Variants in TENM2 observed in about 807,000 individuals in gnomAD.
TENM2 encodes teneurin transmembrane protein 2, also known as teneurin-2.
TENM2 carries 52 observed loss-of-function variants against 245.2 expected under a neutral mutation model. The observed-to-expected ratio is 0.21, with a 90% CI of 0.17 to 0.27. The LOEUF (loss-of-function observed/expected upper bound fraction) is 0.27. Ranked by LOEUF, TENM2 falls within the 10% of genes least tolerant of loss-of-function variation. The pLI is 1.00. For synonymous variants in TENM2, 1,363 were observed against 1,438.9 expected, an observed-to-expected ratio of 0.95 and a Z score of 1.19; for missense variants, 3,046 against 3,666.8, an observed-to-expected ratio of 0.83 and a Z score of 4.37.
At chr5:167,405,769 A>ACACAC (rs1762599972) in intron 2 of TENM2, among the ~76,000 whole-genome samples, 6 of 145,186 alleles carry the variant, frequency 4.1e-5, no homozygotes, top group African/African-American at 1.3e-4. Flanking sequence ...CACACACACA[A>ACACAC]ACACACACAC....
intron 5 of TENM2, among the ~76,000 whole-genome samples, chr5:168,044,695 T>G: frequency 6.6e-6 from 1 of 152,070 alleles, no homozygotes; most frequent in Non-Finnish European, 1.5e-5. Context: ...ATTCTACCTG[T>G]ACAGGGAAAC....
chr5:167,245,725 A>C, the TENM2 span, among the ~76,000 whole-genome samples: 1 of 152,170 alleles, frequency 6.6e-6, no homozygotes, highest in Non-Finnish European at 1.5e-5. Flanking sequence ...CCTGGCAGGG[A>C]AAGTATTCTC....
At chr5:167,220,213 T>A in the TENM2 span, among the ~76,000 whole-genome samples, 1 of 152,110 alleles carries the variant, frequency 6.6e-6, no homozygotes, top group East Asian at 1.9e-4. Flanking sequence ...AGAGGTATCC[T>A]CTTGGGAGGA....
At chr5:167,093,750 AGAAG>A in the TENM2 span, among the ~76,000 whole-genome samples, 1 of 152,204 alleles carries the variant, frequency 6.6e-6, no homozygotes, top group Non-Finnish European at 1.5e-5. Flanking sequence ...CTTCCAGAAC[AGAAG>A]GAAGAGGATT....
chr5:167,426,967 C>T (rs990009799), intron 2 of TENM2, among the ~76,000 whole-genome samples: 1 of 152,104 alleles, frequency 6.6e-6, no homozygotes, highest in African/African-American at 2.4e-5. Context: ...CAGATGTGCT[C>T]TAGATGTCAT....
intron 2 of TENM2, among the ~76,000 whole-genome samples, chr5:167,440,503 A>C (rs902671143): frequency 6.6e-6 from 1 of 152,048 alleles, no homozygotes; most frequent in Non-Finnish European, 1.5e-5. Context: ...TCTTCTGTAC[A>C]TATCATTTCT....
At chr5:167,472,305 C>T (rs941048866) in intron 2 of TENM2, among the ~76,000 whole-genome samples, 2 of 152,128 alleles carry the variant, frequency 1.3e-5, no homozygotes, top group Non-Finnish European at 2.9e-5. Flanking sequence ...CCCTTTTATA[C>T]CCATTATTGG....
At chr5:167,281,790 G>A (rs1771081010), upstream of TENM2, among the ~76,000 whole-genome samples, 1 of 152,058 alleles carries the variant, frequency 6.6e-6, no homozygotes, top group Non-Finnish European at 1.5e-5. Flanking sequence ...CCTGAGGTCA[G>A]GAGTTCAAGA....
At chr5:167,647,777 T>C (rs1021539866) in intron 2 of TENM2, among the ~76,000 whole-genome samples, 3 of 152,108 alleles carry the variant, frequency 2.0e-5, no homozygotes, top group Non-Finnish European at 4.4e-5. Context: ...CCCCCATCTG[T>C]AGGAGGTGCT....
At chr5:167,432,560 C>A (rs1179149833) in intron 2 of TENM2, among the ~76,000 whole-genome samples, 1 of 151,112 alleles carries the variant, frequency 6.6e-6, no homozygotes, top group Non-Finnish European at 1.5e-5. Context: ...ATTGTATTCA[C>A]ATAAGTAAGC....
chr5:167,416,582 A>C (rs1763179021), intron 2 of TENM2, among the ~76,000 whole-genome samples: 1 of 152,224 alleles, frequency 6.6e-6, no homozygotes. Context: ...TATTGGCACG[A>C]CACCACATTA....
chr5:167,132,201 A>C, the TENM2 span, among the ~76,000 whole-genome samples: 1 of 152,248 alleles, frequency 6.6e-6, no homozygotes, highest in African/African-American at 2.4e-5. Context: ...TAAAAAGCTA[A>C]GTCAAAAATC....
chr5:167,065,115 A>G, the TENM2 span, among the ~76,000 whole-genome samples: 13 of 152,142 alleles, frequency 8.5e-5, no homozygotes, highest in African/African-American at 2.2e-4. Context: ...TATTATTTCT[A>G]CTGGCACCGT....
At chr5:167,002,127 T>A in the TENM2 span, among the ~76,000 whole-genome samples, 1 of 152,160 alleles carries the variant, frequency 6.6e-6, no homozygotes, top group South Asian at 2.1e-4. Flanking sequence ...TTCAGAAAAA[T>A]ATCACTGGAG....
chr5:168,154,464 A>T (rs1756972920), intron 12 of TENM2, among the ~76,000 whole-genome samples: 2 of 152,104 alleles, frequency 1.3e-5, no homozygotes, highest in South Asian at 4.1e-4. Flanking sequence ...ACCCCAGGTG[A>T]TCCACCCGCC....
intron 4 of TENM2, among the ~76,000 whole-genome samples, chr5:167,961,560 T>G (rs1781014947): frequency 6.6e-6 from 1 of 152,132 alleles, no homozygotes; most frequent in South Asian, 2.1e-4. Flanking sequence ...TAATAGCTAT[T>G]GTAGAAAAAG....
the TENM2 span, among the ~76,000 whole-genome samples, chr5:167,194,980 A>T: frequency 6.6e-6 from 1 of 151,924 alleles, no homozygotes. Context: ...CCCATCACTT[A>T]CTTCCTAAAG....
At chr5:168,195,550 ACGTGTGTGTGTG>A (rs1761337176) in intron 15 of TENM2, among the ~76,000 whole-genome samples, 1 of 94,954 alleles carries the variant, frequency 1.1e-5, no homozygotes, top group African/African-American at 4.0e-5. Context: ...AGGTCAATGC[ACGTGTGTGTGTG>A]TGTGTGTGTG....
At chr5:167,500,763 GAGGTGCAAT>G (rs1268553220) in intron 2 of TENM2, among the ~76,000 whole-genome samples, 2 of 152,120 alleles carry the variant, frequency 1.3e-5, no homozygotes, top group Non-Finnish European at 2.9e-5. Flanking sequence ...AAGGTGTGAT[GAGGTGCAAT>G]AGGTGTTTGA....
Sources: allele counts gnomAD v4.1 joint callset (sites outside exome capture counted in the v4.1 genomes callset), GRCh38; gene constraint gnomAD v4.1.1; transcripts MANE v1.5; gene names NCBI Gene and HGNC (gene_info 2026-07-23, HGNC 2026-07-21).